Variants in SGCZ observed in about 807,000 individuals in gnomAD.
The protein encoded by SGCZ is sarcoglycan zeta.
Under a neutral mutation model 41.3 loss-of-function variants are expected in SGCZ, and 40 were observed. The ratio of observed to expected loss-of-function variants is 0.97; its 90% CI spans 0.75 to 1.26. The LOEUF (loss-of-function observed/expected upper bound fraction) is 1.26, where lower values mean the gene tolerates loss of function less well. Among genes scored for constraint, SGCZ ranks in the 50% most tolerant of loss-of-function variants. The pLI is 0.00. For synonymous variants in SGCZ, 206 were observed against 137.5 expected (o/e 1.50, Z -3.49); for missense variants, 552 against 369.8 (o/e 1.49, Z -4.04).
At chr8:14,143,720 AAG>A (rs1329078668) in intron 5 of SGCZ, among the ~76,000 whole-genome samples, 4 of 152,160 alleles carry the variant, frequency 2.6e-5, no homozygotes, top group Non-Finnish European at 5.9e-5. Flanking sequence ...GTATGGCTGA[AAG>A]AGGCATGAAG....
At chr8:14,816,797 A>T (rs1050017803) in intron 1 of SGCZ, among the ~76,000 whole-genome samples, 6 of 152,232 alleles carry the variant, frequency 3.9e-5, no homozygotes, top group African/African-American at 1.4e-4. Flanking sequence ...AACTTAATTA[A>T]ATTGTATTAA....
At chr8:14,650,597 G>C (rs1057298283) in intron 1 of SGCZ, among the ~76,000 whole-genome samples, 1 of 151,838 alleles carries the variant, frequency 6.6e-6, no homozygotes, top group Admixed American at 6.6e-5. Flanking sequence ...ATAAGTGACA[G>C]GTTATCTTTA....
intron 2 of SGCZ, among the ~76,000 whole-genome samples, chr8:14,332,174 G>C (rs1297287828): frequency 6.6e-6 from 1 of 152,084 alleles, no homozygotes; most frequent in Admixed American, 6.6e-5. Context: ...AGTGGCTCAC[G>C]CCTGTAATCC....
chr8:14,628,501 C>T (rs746380896), intron 1 of SGCZ, among the ~76,000 whole-genome samples: 3 of 152,036 alleles, frequency 2.0e-5, no homozygotes, highest in Non-Finnish European at 4.4e-5. Flanking sequence ...CATCTCAAGA[C>T]AAACCTGCTA....
chr8:14,522,042 T>C (rs1376335224), intron 2 of SGCZ, among the ~76,000 whole-genome samples: 2 of 152,148 alleles, frequency 1.3e-5, no homozygotes, highest in Non-Finnish European at 2.9e-5. Flanking sequence ...ATTTCATCTT[T>C]ACTCAGTTAA....
chr8:14,195,774 A>G (rs1414903424), intron 4 of SGCZ, among the ~76,000 whole-genome samples: 1 of 152,122 alleles, frequency 6.6e-6, no homozygotes, highest in Admixed American at 6.6e-5. Flanking sequence ...AAACAATAAC[A>G]AAAACAATGG....
chr8:14,927,115 T>G (rs1799779548), intron 1 of SGCZ, among the ~76,000 whole-genome samples: 1 of 143,182 alleles, frequency 7.0e-6, no homozygotes, highest in South Asian at 2.3e-4. Context: ...TTTTTTTTTT[T>G]TTTTTTTTTG....
At chr8:15,104,663 T>C (rs553235523) in intron 1 of SGCZ, among the ~76,000 whole-genome samples, 1 of 147,794 alleles carries the variant, frequency 6.8e-6, no homozygotes, top group Non-Finnish European at 1.5e-5. Flanking sequence ...CACAACTGTG[T>C]AACCACGTGT....
At chr8:15,067,691 C>G (rs80307737) in intron 1 of SGCZ, among the ~76,000 whole-genome samples, 1,780 of 152,238 alleles carry the variant, frequency 0.012, 27 homozygotes, top group African/African-American at 0.041. Flanking sequence ...ATATTAACCT[C>G]TATCTACCTC....
intron 4 of SGCZ, among the ~76,000 whole-genome samples, chr8:14,235,138 G>A (rs954989644): frequency 6.6e-6 from 1 of 152,170 alleles, no homozygotes; most frequent in African/African-American, 2.4e-5. Context: ...AAAACGGAGT[G>A]TCCAAAAGAT....
chr8:14,193,599 A>C (rs1027942107), intron 4 of SGCZ, among the ~76,000 whole-genome samples: 1 of 152,204 alleles, frequency 6.6e-6, no homozygotes, highest in African/African-American at 2.4e-5. Context: ...TGCACATTAA[A>C]ATTGTATTCT....
intron 1 of SGCZ, among the ~76,000 whole-genome samples, chr8:15,036,063 G>A (rs147363889): frequency 3.8e-3 from 572 of 151,752 alleles, no homozygotes; most frequent in Non-Finnish European, 6.6e-3. Context: ...TATGTGAAAC[G>A]ATAAGCAAAA....
At chr8:14,625,816 T>C (rs1214292949) in intron 1 of SGCZ, among the ~76,000 whole-genome samples, 1 of 152,152 alleles carries the variant, frequency 6.6e-6, no homozygotes, top group African/African-American at 2.4e-5. Flanking sequence ...CACAGATATA[T>C]TACAACTTGG....
chr8:14,447,912 A>T (rs906315403), intron 2 of SGCZ, among the ~76,000 whole-genome samples: 1 of 152,178 alleles, frequency 6.6e-6, no homozygotes, highest in Non-Finnish European at 1.5e-5. Flanking sequence ...ACCTCATATG[A>T]CTTATATGGA....
intron 1 of SGCZ, among the ~76,000 whole-genome samples, chr8:14,919,855 T>C (rs1042984056): frequency 6.6e-6 from 1 of 152,070 alleles, no homozygotes; most frequent in African/African-American, 2.4e-5. Context: ...GAGGCAGAGG[T>C]TGCAGTGAGC....
chr8:14,668,087 G>T (rs1192313056), intron 1 of SGCZ, among the ~76,000 whole-genome samples: 2 of 152,006 alleles, frequency 1.3e-5, no homozygotes, highest in African/African-American at 4.8e-5. Flanking sequence ...CTCCCGAGTG[G>T]CTGGGATTAC....
intron 1 of SGCZ, among the ~76,000 whole-genome samples, chr8:14,889,392 T>A (rs1367161145): frequency 6.6e-6 from 1 of 152,134 alleles, no homozygotes; most frequent in African/African-American, 2.4e-5. Context: ...TGAACCTTAA[T>A]TTTGTATTGA....
chr8:14,108,246 C>T lies in SGCZ; in HGVS notation c.548-11G>A. 1 of 1,613,706 alleles carries T rather than the reference C, an allele frequency of 6.2e-7. No individual in the cohort carries two copies. The highest frequency in any genetic ancestry group is 8.5e-7 in the Non-Finnish European group (1 of 1,179,690). On this transcript the variant is annotated splice_polypyrimidine_tract_variant and intron_variant, in intron 5 of 7. Transcript: ENST00000382080. ...CGGCTCCTTCAGTGCCTGGGGGTAG[C>T]ATGAATATAGCAGTCAGTATAAGCA...
intron 3 of SGCZ, among the ~76,000 whole-genome samples, chr8:14,313,331 A>G (rs567829367): frequency 3.4e-4 from 52 of 152,234 alleles, no homozygotes; most frequent in Admixed American, 8.5e-4. Flanking sequence ...TAATTTATTT[A>G]TTTTGAGACA....
Sources: gnomAD v4.1 joint callset for allele counts (sites outside exome capture counted in the v4.1 genomes callset) on GRCh38, gnomAD v4.1.1 for gene constraint, MANE v1.5 for transcripts, NCBI Gene and HGNC (gene_info 2026-07-23, HGNC 2026-07-21) for gene names.